Variants in PIAS1 observed in about 807,000 individuals in gnomAD.
PIAS1 encodes protein inhibitor of activated STAT 1.
In PIAS1, 6 loss-of-function variants were observed where a neutral mutation model predicts 71.3. The ratio of observed to expected loss-of-function variants is 0.08; its 90% CI spans 0.05 to 0.17. The LOEUF is 0.17. Among genes scored for constraint, PIAS1 ranks in the 10% least tolerant of loss-of-function variants. The pLI, the probability that PIAS1 is intolerant of heterozygous loss-of-function variation, is 1.00. For synonymous variants in PIAS1, 303 were observed against 292.9 expected (o/e 1.03, Z -0.35); for missense variants, 555 against 793.6 (o/e 0.70, Z 3.61).
intron 1 of PIAS1, chr15:68,055,119 G>A: frequency 4.4e-6 from 3 of 685,776 alleles, no homozygotes; most frequent in Non-Finnish European, 5.4e-6. Context: ...AGTGTTGGGA[G>A]GGGGGGATGC....
chr15:68,112,172 G>T (rs555911133), intron 2 of PIAS1, among the ~76,000 whole-genome samples: 26 of 151,902 alleles, frequency 1.7e-4, no homozygotes, highest in Admixed American at 5.9e-4. Flanking sequence ...GAATGCTCTG[G>T]TATCTGTACT....
chr15:68,154,401 C>T (rs1400384880), intron 7 of PIAS1, among the ~76,000 whole-genome samples: 1 of 152,012 alleles, frequency 6.6e-6, no homozygotes, highest in Non-Finnish European at 1.5e-5. Context: ...CCGGGGGCTG[C>T]GTGGATTTAG....
rs193040204 is a variant in PIAS1 at position 68,187,133 on chromosome 15, A to C, written c.1663-409A>C. On this transcript the variant is annotated intron_variant, in intron 13 of 13. Coordinates refer to ENST00000249636, the MANE Select transcript of PIAS1 (RefSeq NM_016166.3). This position sits in a 1 kb window ranked among gnomAD's most constrained non-coding sequence, Gnocchi z 5.3. ...ATAAGAACAGTGTCTGTTGGTTTCC[A>C]GTACTGTTTTATAAAGAAACAGGGC... Among the ~76,000 whole-genome samples the C allele has an allele frequency of 3.3e-4, 50 of 152,322 alleles. No homozygotes were observed. The highest frequency in any genetic ancestry group is 1.2e-3 in the African/African-American group (48 of 41,564).
At chr15:68,095,961 A>G (rs2092371893) in intron 2 of PIAS1, among the ~76,000 whole-genome samples, 2 of 152,192 alleles carry the variant, frequency 1.3e-5, no homozygotes, top group South Asian at 4.1e-4. Context: ...TAAGCTTTAG[A>G]TGTGCCAAAG....
At position 68,054,338 on chromosome 15, in the gene PIAS1, T is replaced by C. The variant is rs774680285; in HGVS notation, c.12T>C (p.Ser4=). Reference sequence around the variant, plus strand: ...CTGACAGACGCAAGATGGCGGACAGTGCGGAACTAAAGGTAAAGCGCAGCT... The same window carrying C: ...CTGACAGACGCAAGATGGCGGACAGCGCGGAACTAAAGGTAAAGCGCAGCT... MAD[S]AELKQMVMSL... The change falls in exon 1 of 14, where the codon AGT becomes AGC. Residue 4 remains serine, a synonymous_variant. Transcript: ENST00000249636. This position sits in a 1 kb window ranked among gnomAD's most constrained non-coding sequence, Gnocchi z 4.6. The C allele has an allele frequency of 4.9e-5, 77 of 1,577,344 alleles. No homozygotes were observed. Among genetic ancestry groups the C allele is most frequent in the African/African-American group, 1.2e-4 (9 of 73,726 alleles).
rs2093012022 is a variant in PIAS1 at position 68,174,824 on chromosome 15, A to G, written c.1170-813A>G. The stretch of plus-strand genomic sequence containing the variant: ...CCTGGAGCTTGAAAGATGTCAGACC[A>G]GTCATGGGAAACAAACAAACAAACA... On this transcript the variant is annotated intron_variant, in intron 9 of 13. Transcript: ENST00000249636. The surrounding 1 kb of genome is among the most constrained non-coding windows in gnomAD (Gnocchi z 4.0). 6.6e-6 allele frequency among the ~76,000 whole-genome samples: 1 copy of G among 152,240 alleles called. No homozygotes were observed. Among genetic ancestry groups the G allele is most frequent in the South Asian group, 2.1e-4 (1 of 4,836 alleles).
intron 1 of PIAS1, among the ~76,000 whole-genome samples, chr15:68,083,537 A>T (rs952629630): frequency 3.9e-5 from 6 of 152,188 alleles, no homozygotes; most frequent in Non-Finnish European, 7.4e-5. Context: ...ATGGAGATTG[A>T]GTTAAATAAA....
In PIAS1 at chr15:68,086,611, T is replaced by C; in HGVS notation, c.330T>C (p.Pro110=). 8 of 1,613,606 alleles carry C rather than the reference T, an allele frequency of 5.0e-6. No individual in the cohort carries two copies. Among genetic ancestry groups the C allele is most frequent in the Non-Finnish European group, 5.1e-6 (6 of 1,179,530 alleles). The part of the protein sequence containing the change: ...DGHPASSPLL[P]VSLLGPKHEL... ...ACCCTGCATCATCGCCATTACTCCC[T>C]GTTTCTCTTCTGGGACCTAAACATG... Residue 110 remains proline, a synonymous_variant, in exon 2 of 14, where the codon CCT becomes CCC. Coordinates refer to ENST00000249636, the MANE Select transcript of PIAS1 (RefSeq NM_016166.3). The surrounding 1 kb of genome is among the most constrained non-coding windows in gnomAD (Gnocchi z 7.2).
intron 2 of PIAS1, among the ~76,000 whole-genome samples, chr15:68,119,649 T>C (rs1158489358): frequency 3.9e-5 from 6 of 152,216 alleles, no homozygotes; most frequent in Admixed American, 3.9e-4. Flanking sequence ...TCTGCTGTTG[T>C]TGAGTGGAGT....
chr15:68,126,166 A>G (rs2092649267), intron 2 of PIAS1, among the ~76,000 whole-genome samples: 1 of 152,072 alleles, frequency 6.6e-6, no homozygotes, highest in East Asian at 1.9e-4. Context: ...ACTTGTAGGA[A>G]CTTGTCTTGA....
At chr15:68,181,098 GTTC>G (rs1236875487) in intron 11 of PIAS1, 111 bp from the exon 12 acceptor site, 4 of 785,554 alleles carry the variant, frequency 5.1e-6, no homozygotes, top group Admixed American at 2.4e-5. Flanking sequence ...GCTTGGTTTT[GTTC>G]TTATTTCCAG....
At chr15:68,147,438 G>A (rs921359429) in intron 6 of PIAS1, among the ~76,000 whole-genome samples, 1 of 152,116 alleles carries the variant, frequency 6.6e-6, no homozygotes. Context: ...TTGATTATGA[G>A]ATCTTCATAT....
intron 7 of PIAS1, among the ~76,000 whole-genome samples, chr15:68,162,926 C>G (rs896757721): frequency 2.0e-5 from 3 of 152,206 alleles, no homozygotes; most frequent in Admixed American, 6.5e-5. Flanking sequence ...TTCCTTTCCT[C>G]TGCCTTTTTG....
intron 2 of PIAS1, among the ~76,000 whole-genome samples, chr15:68,120,676 A>G (rs2092606268): frequency 6.6e-6 from 1 of 152,070 alleles, no homozygotes; most frequent in Non-Finnish European, 1.5e-5. Flanking sequence ...GTTGTTTGAA[A>G]CAGAGTCTTA....
chr15:68,121,139 T>C (rs931795145), intron 2 of PIAS1, among the ~76,000 whole-genome samples: 2 of 152,238 alleles, frequency 1.3e-5, no homozygotes, highest in African/African-American at 2.4e-5. Flanking sequence ...CTTTACCATT[T>C]CTTTAAAATG....
intron 1 of PIAS1, among the ~76,000 whole-genome samples, chr15:68,085,101 T>C (rs552300586): frequency 6.6e-6 from 1 of 152,314 alleles, no homozygotes; most frequent in South Asian, 2.1e-4. Context: ...GCTGGGGTTA[T>C]CATTGTGAGT....
At chr15:68,121,031 A>G (rs1289580271) in intron 2 of PIAS1, among the ~76,000 whole-genome samples, 2 of 152,152 alleles carry the variant, frequency 1.3e-5, no homozygotes. Flanking sequence ...ACAATTCTTT[A>G]TATTTATCGA....
intron 2 of PIAS1, among the ~76,000 whole-genome samples, chr15:68,118,635 C>T (rs964064500): frequency 3.3e-5 from 5 of 152,200 alleles, no homozygotes; most frequent in African/African-American, 1.2e-4. Context: ...ATCCACTGTG[C>T]CCAGCTGTCT....
chr15:68,145,950 C>A, intron 5 of PIAS1, 44 bp downstream of exon 5: 1 of 1,080,626 alleles, frequency 9.3e-7, no homozygotes, highest in Non-Finnish European at 1.4e-6. Flanking sequence ...GCCAACATAA[C>A]TATCAAATAA....
Sources: gnomAD v4.1 joint callset for allele counts (sites outside exome capture counted in the v4.1 genomes callset) on GRCh38, gnomAD v4.1.1 for gene constraint, Gnocchi (gnomAD v3.1) non-coding constraint, MANE v1.5 for transcripts, NCBI Gene and HGNC (gene_info 2026-07-23, HGNC 2026-07-21) for gene names.